CDH23: variants seen among roughly 807,000 people sequenced by gnomAD.
The protein encoded by CDH23 is cadherin-23.
CDH23 carries 189 observed loss-of-function variants against 317.1 expected under a neutral mutation model. The ratio of observed to expected loss-of-function variants is 0.60; its 90% CI spans 0.53 to 0.67. CDH23 has a LOEUF of 0.67. Ranked by LOEUF, CDH23 falls within the 30% of genes least tolerant of loss-of-function variation. CDH23 has a pLI of 0.00. For missense variants in CDH23, 4,401 were observed against 4,592.4 expected, an observed-to-expected ratio of 0.96 and a Z score of 1.20; for synonymous variants, 1,839 against 1,876.8, an observed-to-expected ratio of 0.98 and a Z score of 0.52.
intron 2 of CDH23, among the ~76,000 whole-genome samples, chr10:71,445,763 G>A (rs116492947): frequency 0.012 from 1,770 of 144,744 alleles, 37 homozygotes; most frequent in African/African-American, 0.037. Context: ...CAGGAAAATC[G>A]CTTTAGCTTG....
At chr10:71,567,352 G>C (rs1162249871) in intron 7 of CDH23, among the ~76,000 whole-genome samples, 1 of 152,210 alleles carries the variant, frequency 6.6e-6, no homozygotes, top group African/African-American at 2.4e-5. Flanking sequence ...TGTTCACCCA[G>C]CTGTGTCCTG....
Position 71,813,347 on chromosome 10 carries a change from A to AGCCGGCTGGT in CDH23, c.9738_9738+1insCCGGCTGGTG (p.Leu3247ProfsTer8). 1 of 1,551,362 alleles carries AGCCGGCTGGT rather than the reference A, an allele frequency of 6.4e-7. No individual in the cohort carries two copies. The highest frequency in any genetic ancestry group is 8.7e-7 in the Non-Finnish European group (1 of 1,146,856). ...TCCTCCTGCCACTCCTCCATCTCTGAGGTAGCCGGCTGGGTGGCTGGGAGC... is the reference window on the plus strand; with the variant it reads ...TCCTCCTGCCACTCCTCCATCTCTGAGCCGGCTGGTGGTAGCCGGCTGGGTGGCTGGGAGC... On this transcript the variant is annotated frameshift_variant and splice_region_variant, in exon 69 of 70. Transcript: ENST00000224721. LOFTEE classifies it high-confidence loss of function.
At chr10:71,568,846 C>A (rs1333433261) in intron 7 of CDH23, among the ~76,000 whole-genome samples, 2 of 152,180 alleles carry the variant, frequency 1.3e-5, no homozygotes, top group Non-Finnish European at 1.5e-5. Context: ...CAGGATCACT[C>A]CCCTTTCCCC....
intron 38 of CDH23, among the ~76,000 whole-genome samples, chr10:71,772,297 T>A (rs1840703049): frequency 6.6e-6 from 1 of 151,906 alleles, no homozygotes; most frequent in Non-Finnish European, 1.5e-5. Context: ...CCTATCACCC[T>A]CTCCTTCTAT....
intron 2 of CDH23, among the ~76,000 whole-genome samples, chr10:71,442,089 T>C (rs10762449): frequency 0.34 from 52,011 of 152,194 alleles, 9,113 homozygotes; most frequent in Middle Eastern, 0.47. Flanking sequence ...GCTTATTAAG[T>C]GTTGGCTCCT....
At chr10:71,791,622 C>T (rs547989354) in intron 47 of CDH23, among the ~76,000 whole-genome samples, 1 of 151,116 alleles carries the variant, frequency 6.6e-6, no homozygotes, top group East Asian at 1.9e-4. Context: ...GTTGCCCAGG[C>T]TGGAGTGCAA....
chr10:71,812,127 GC>G (rs1160208522), intron 66 of CDH23, 112 bp downstream of exon 66: 1 of 1,602,014 alleles, frequency 6.2e-7, no homozygotes, highest in Non-Finnish European at 8.5e-7. Flanking sequence ...GGCTGTGGGC[GC>G]CCCCTGGTGG....
At chr10:71,509,801 G>T (rs747097089) in intron 3 of CDH23, 6 of 430,746 alleles carry the variant, frequency 1.4e-5, no homozygotes, top group Non-Finnish European at 2.1e-5. Flanking sequence ...TCAGAGAAAG[G>T]GGGGCAGGCA....
chr10:71,668,466 A>ACACACAT (rs1382280479), intron 14 of CDH23, among the ~76,000 whole-genome samples: 2 of 152,194 alleles, frequency 1.3e-5, no homozygotes, highest in Non-Finnish European at 2.9e-5. Flanking sequence ...AGGTCTTAAG[A>ACACACAT]GCACACGCCT....
chr10:71,793,017 A>G (rs1821939014), intron 47 of CDH23, among the ~76,000 whole-genome samples, 165 bp from the exon 48 acceptor site: 1 of 152,100 alleles, frequency 6.6e-6, no homozygotes, highest in East Asian at 1.9e-4. Flanking sequence ...ATAAAATAAC[A>G]TGCCATTTTC....
chr10:71,685,214 C>G (rs1864823696), intron 18 of CDH23, among the ~76,000 whole-genome samples: 3 of 152,170 alleles, frequency 2.0e-5, no homozygotes, highest in Admixed American at 2.0e-4. Context: ...TGAGGCAGGG[C>G]TGGGATTCTG....
At chr10:71,448,056 G>C (rs2132027882) in intron 3 of CDH23, among the ~76,000 whole-genome samples, 1 of 152,350 alleles carries the variant, frequency 6.6e-6, no homozygotes, top group South Asian at 2.1e-4. Context: ...GGTGTGGCCA[G>C]TCACTAACTG....
At chr10:71,809,548 A>G (rs1841848975) in intron 60 of CDH23, among the ~76,000 whole-genome samples, 1 of 152,228 alleles carries the variant, frequency 6.6e-6, no homozygotes, top group Non-Finnish European at 1.5e-5. Context: ...CAGGGGGCTC[A>G]GAAATGGTCC....
In CDH23 at chr10:71,564,724, C is replaced by T. The variant is rs1244570410; in HGVS notation, c.430-2018C>T. Among the ~76,000 whole-genome samples the T allele has an allele frequency of 4.6e-5, 7 of 152,320 alleles. 1 individual carries two copies. The South Asian group carries it at 6.2e-4, about 14-fold the overall frequency. ...TACAGAGTGGTTTAAGTAGACTGGC[C>T]GAGTGCTCTGAAGTGAGGGCCGGCT... On this transcript the variant is annotated intron_variant, in intron 6 of 69. Transcript: ENST00000224721.
At chr10:71,777,529 C>G (rs935557171) in intron 38 of CDH23, 151 bp from the exon 39 acceptor site, 6 of 683,054 alleles carry the variant, frequency 8.8e-6, no homozygotes, top group Non-Finnish European at 1.5e-5. Context: ...CTTTCTCTCT[C>G]TACCAGCCTG....
At chr10:71,741,075 C>A in intron 37 of CDH23, 125 bp downstream of exon 37, 1 of 1,132,702 alleles carries the variant, frequency 8.8e-7, no homozygotes, top group Non-Finnish European at 1.3e-6. Context: ...TGGATGGGAA[C>A]TGTGGCTCAT....
chr10:71,475,857 G>T (rs996614479), intron 3 of CDH23, among the ~76,000 whole-genome samples: 1 of 152,236 alleles, frequency 6.6e-6, no homozygotes, highest in African/African-American at 2.4e-5. Flanking sequence ...CAGGTGGGAA[G>T]AATGTCACCC....
intron 11 of CDH23, 134 bp from the exon 12 acceptor site, chr10:71,643,727 G>A: frequency 1.5e-6 from 1 of 668,676 alleles, no homozygotes; most frequent in East Asian, 2.6e-5. Flanking sequence ...GCTCCTCTAG[G>A]GTGTGATCCT....
chr10:71,773,397 C>A, intron 38 of CDH23: 1 of 1,610,058 alleles, frequency 6.2e-7, no homozygotes, highest in East Asian at 2.2e-5. Flanking sequence ...AGCAGGGATC[C>A]CCAGCGCCAG....
Sources: allele counts gnomAD v4.1 joint callset (sites outside exome capture counted in the v4.1 genomes callset), GRCh38; gene constraint gnomAD v4.1.1; transcripts MANE v1.5; gene names NCBI Gene and HGNC (gene_info 2026-07-23, HGNC 2026-07-21).